The following LHFPL3 variants were observed in gnomAD, a reference collection of about 807,000 sequenced individuals.
The protein encoded by LHFPL3 is LHFPL tetraspan subfamily member 3 protein.
Under a neutral mutation model 19.3 loss-of-function variants are expected in LHFPL3, and 5 were observed. The observed-to-expected ratio is 0.26, with a 90% confidence interval of 0.14 to 0.54. LHFPL3 has a LOEUF of 0.54. Ranked by LOEUF, LHFPL3 falls within the 20% of genes least tolerant of loss-of-function variation. LHFPL3 has a pLI of 0.94. For synonymous variants in LHFPL3, 133 were observed against 126.2 expected, an observed-to-expected ratio of 1.05 and a Z score of -0.36; for missense variants, 249 against 307.4, an observed-to-expected ratio of 0.81 and a Z score of 1.42.
intron 1 of LHFPL3, among the ~76,000 whole-genome samples, chr7:104,406,050 G>A (rs1025713601): frequency 6.6e-6 from 1 of 152,166 alleles, no homozygotes; most frequent in Non-Finnish European, 1.5e-5. Context: ...GCTTTTCCTT[G>A]AGCATCCTCT....
chr7:104,589,659 A>G (rs946587641), intron 1 of LHFPL3, among the ~76,000 whole-genome samples: 5 of 151,850 alleles, frequency 3.3e-5, no homozygotes, highest in African/African-American at 1.2e-4. Flanking sequence ...CTCTTTTTCT[A>G]TTGATTGGAA....
intron 1 of LHFPL3, among the ~76,000 whole-genome samples, chr7:104,380,515 C>T (rs1327230569): frequency 6.6e-6 from 1 of 152,066 alleles, no homozygotes; most frequent in Non-Finnish European, 1.5e-5. Flanking sequence ...GAGTTCACCA[C>T]ATCTGAATAC....
At chr7:104,451,645 T>TA (rs1241123569) in intron 1 of LHFPL3, among the ~76,000 whole-genome samples, 1 of 152,198 alleles carries the variant, frequency 6.6e-6, no homozygotes, top group African/African-American at 2.4e-5. Flanking sequence ...AAATATATAT[T>TA]AAAAAATGAT....
At chr7:104,668,620 G>C in intron 1 of LHFPL3, 1 of 1,612,532 alleles carries the variant, frequency 6.2e-7, no homozygotes, top group Non-Finnish European at 8.5e-7. Context: ...AGAGAAGGCA[G>C]GGACTGCTAT....
chr7:104,352,281 G>A (rs1025558988), intron 1 of LHFPL3, among the ~76,000 whole-genome samples: 2 of 151,500 alleles, frequency 1.3e-5, no homozygotes, highest in African/African-American at 4.9e-5. Context: ...CATAGAAAAT[G>A]AATAATATAT....
At chr7:104,756,021 G>A (rs1794279026) in intron 2 of LHFPL3, among the ~76,000 whole-genome samples, 1 of 152,112 alleles carries the variant, frequency 6.6e-6, no homozygotes, top group Admixed American at 6.6e-5. Flanking sequence ...AAGCTAGTTG[G>A]TAACTAAGGA....
intron 2 of LHFPL3, among the ~76,000 whole-genome samples, chr7:104,871,964 A>G (rs1204671532): frequency 6.6e-6 from 1 of 151,390 alleles, no homozygotes; most frequent in Non-Finnish European, 1.5e-5. Context: ...AGCCAATATT[A>G]TTTTTTCTTT....
At chr7:104,835,389 G>GGAGA (rs1791070846) in intron 2 of LHFPL3, among the ~76,000 whole-genome samples, 1 of 151,928 alleles carries the variant, frequency 6.6e-6, no homozygotes. Context: ...CCAGAGCCTA[G>GGAGA]GAGATTCTCT....
intron 1 of LHFPL3, among the ~76,000 whole-genome samples, chr7:104,566,657 T>C (rs1005916666): frequency 1.3e-5 from 2 of 152,178 alleles, no homozygotes; most frequent in African/African-American, 2.4e-5. Context: ...CTAGGCATCA[T>C]ACCTTTCTTT....
intron 1 of LHFPL3, among the ~76,000 whole-genome samples, chr7:104,442,388 G>A (rs1792244948): frequency 6.6e-6 from 1 of 152,070 alleles, no homozygotes; most frequent in Non-Finnish European, 1.5e-5. Flanking sequence ...GCTTTGAGAT[G>A]AGGTCTCTTG....
intron 1 of LHFPL3, among the ~76,000 whole-genome samples, chr7:104,521,942 C>A (rs1165737163): frequency 6.6e-6 from 1 of 152,034 alleles, no homozygotes; most frequent in African/African-American, 2.4e-5. Context: ...GTTGGTGGGA[C>A]TGTAAACTAG....
rs542230530 is a variant in LHFPL3 at position 104,577,648 on chromosome 7, T to C, written c.446-159027T>C. On this transcript the variant is annotated intron_variant, in intron 1 of 2. Transcript: ENST00000424859. The stretch of plus-strand genomic sequence containing the variant: ...ATTGTTTCCCCTAGTGTCACTCTGA[T>C]ATTGACTGTTTTGCTAGATGTTCTC... Among the ~76,000 whole-genome samples the C allele has an allele frequency of 2.7e-4, 41 of 152,330 alleles. No homozygotes were observed. The East Asian group carries it at 4.0e-3, about 15-fold the overall frequency.
intron 1 of LHFPL3, among the ~76,000 whole-genome samples, chr7:104,709,020 C>G (rs1267552013): frequency 6.6e-6 from 1 of 152,006 alleles, no homozygotes; most frequent in Non-Finnish European, 1.5e-5. Context: ...AAAATTGCAC[C>G]TCTTAAGACT....
At chr7:104,644,121 A>G (rs1314561996) in intron 1 of LHFPL3, among the ~76,000 whole-genome samples, 1 of 152,216 alleles carries the variant, frequency 6.6e-6, no homozygotes, top group Non-Finnish European at 1.5e-5. Flanking sequence ...CAGATTAGTC[A>G]AAATGCTAAT....
At chr7:104,377,792 T>TA (rs2116445298) in intron 1 of LHFPL3, among the ~76,000 whole-genome samples, 1 of 152,326 alleles carries the variant, frequency 6.6e-6, no homozygotes, top group Admixed American at 6.5e-5. Flanking sequence ...CTGCATATTT[T>TA]AAAAAATGAA....
At chr7:104,631,128 C>A (rs1211166359) in intron 1 of LHFPL3, among the ~76,000 whole-genome samples, 1 of 152,144 alleles carries the variant, frequency 6.6e-6, no homozygotes, top group Non-Finnish European at 1.5e-5. Context: ...CAAAGCTTGA[C>A]ATCATCCTAG....
intron 1 of LHFPL3, among the ~76,000 whole-genome samples, chr7:104,727,689 A>G (rs758979240): frequency 7.9e-5 from 12 of 152,158 alleles, no homozygotes; most frequent in African/African-American, 1.2e-4. Context: ...ACTAAAAGAT[A>G]TTTAACAATG....
rs1584537034 is a variant in LHFPL3 at position 104,793,335 on chromosome 7, G to A, written c.682+56424G>A. Among the ~76,000 whole-genome samples, 3 of 152,294 alleles carry A rather than the reference G, an allele frequency of 2.0e-5. No individual in the cohort carries two copies. In the South Asian group the frequency reaches 6.2e-4, roughly 32 times the overall value. On this transcript the variant is annotated intron_variant, in intron 2 of 2. Transcript: ENST00000424859. ...GGAAATATTTGTAACAGAAAACCAA[G>A]TGTTTAAATCAACATGAAAGCAGGC...
intron 1 of LHFPL3, among the ~76,000 whole-genome samples, chr7:104,532,078 T>C (rs1196246765): frequency 1.3e-5 from 2 of 152,130 alleles, no homozygotes; most frequent in Admixed American, 6.6e-5. Flanking sequence ...ACTTCTTTTC[T>C]CTCCTAGCCT....
Sources: allele counts gnomAD v4.1 joint callset (sites outside exome capture counted in the v4.1 genomes callset), GRCh38; gene constraint gnomAD v4.1.1; transcripts MANE v1.5; gene names NCBI Gene and HGNC (gene_info 2026-07-23, HGNC 2026-07-21).